ME2: variants seen among roughly 807,000 people sequenced by gnomAD.
The protein encoded by ME2 is malic enzyme 2, also known as NAD-dependent malic enzyme, mitochondrial.
Under a neutral mutation model 73.7 loss-of-function variants are expected in ME2, and 60 were observed. The ratio of observed to expected loss-of-function variants is 0.81; its 90% CI spans 0.66 to 1.01. The LOEUF (loss-of-function observed/expected upper bound fraction) is 1.01, where lower values mean the gene tolerates loss of function less well. Among genes scored for constraint, ME2 ranks in the 50% least tolerant of loss-of-function variants. The pLI is 0.00. For missense variants in ME2, 594 were observed against 705.5 expected (o/e 0.84, Z 1.79); for synonymous variants, 199 against 236.9 (o/e 0.84, Z 1.47).
At chr18:50,942,514 T>C (rs1485950374) in intron 15 of ME2, among the ~76,000 whole-genome samples, 4 of 152,190 alleles carry the variant, frequency 2.6e-5, no homozygotes, top group Non-Finnish European at 5.9e-5. Flanking sequence ...CATTTATAAA[T>C]TGGTGAAGTT....
At position 50,920,464 on chromosome 18, in the gene ME2, G is replaced by A. The variant is rs147495819; in HGVS notation, c.743G>A (p.Arg248Gln). The A allele has an allele frequency of 7.4e-5, 118 of 1,592,798 alleles. No homozygotes were observed. Among genetic ancestry groups the A allele is most frequent in the Non-Finnish European group, 8.4e-5 (99 of 1,174,074 alleles). The change falls in exon 8 of 16, where the codon CGG becomes CAG. Residue 248 changes from arginine to glutamine, a missense_variant. Coordinates refer to ENST00000321341, the MANE Select transcript of ME2 (RefSeq NM_002396.5). ...FMKAITDRYG[R>Q]NTLIQFEDFG... ...GGTTTTGCTGTTTTTAGATATGGCC[G>A]GAACACACTCATTCAGTTCGAAGAC...
At chr18:50,925,570 AC>A (rs1381217104) in intron 11 of ME2, among the ~76,000 whole-genome samples, 185 bp from the exon 12 acceptor site, 1 of 152,202 alleles carries the variant, frequency 6.6e-6, no homozygotes, top group South Asian at 2.1e-4. Flanking sequence ...TCAGCATCTT[AC>A]TGTTTTTTCT....
rs1270619426 is a variant in ME2, at chr18:50,953,636, A to G, written c.*6452A>G. ...ACTGTTAACACTTCTGTGCAAATAAATTTCAGTTGTGCTTATATATTATAA... is the reference window on the plus strand; with the variant it reads ...ACTGTTAACACTTCTGTGCAAATAAGTTTCAGTTGTGCTTATATATTATAA... On this transcript the variant is annotated 3_prime_UTR_variant, in exon 16 of 16. Transcript: ENST00000321341. 6.6e-6 allele frequency: 1 copy of G among 152,188 alleles called. No individual in the cohort carries two copies. The highest frequency in any genetic ancestry group is 1.5e-5 in the Non-Finnish European group (1 of 68,044). 9.4% of individuals were successfully genotyped at this position (152,188 alleles called of 1,614,324 possible).
intron 1 of ME2, among the ~76,000 whole-genome samples, chr18:50,880,561 G>T (rs1280508910): frequency 4.6e-5 from 7 of 152,218 alleles, no homozygotes; most frequent in Admixed American, 4.6e-4. Flanking sequence ...GCCGACGTGG[G>T]TGGATCACCT....
intron 15 of ME2, among the ~76,000 whole-genome samples, chr18:50,942,890 A>T (rs962310684): frequency 5.9e-5 from 9 of 152,010 alleles, no homozygotes; most frequent in African/African-American, 2.2e-4. Flanking sequence ...TAATATGCAT[A>T]GTCCGTTTTT....
intron 5 of ME2, 74 bp from the exon 6 acceptor site, chr18:50,917,273 C>A: frequency 8.4e-7 from 1 of 1,186,266 alleles, no homozygotes; most frequent in Non-Finnish European, 1.2e-6. Flanking sequence ...TGAAGTGAAT[C>A]AATCTTTTAA....
At chr18:50,894,666 C>T (rs929094565) in intron 1 of ME2, among the ~76,000 whole-genome samples, 1 of 151,394 alleles carries the variant, frequency 6.6e-6, no homozygotes, top group Non-Finnish European at 1.5e-5. Context: ...GTCAGGAGAT[C>T]GAGACCATCC....
chr18:50,930,851 G>A (rs932980244), intron 12 of ME2, among the ~76,000 whole-genome samples: 4 of 152,186 alleles, frequency 2.6e-5, no homozygotes, highest in African/African-American at 9.6e-5. Flanking sequence ...CACAAGTAAT[G>A]TTTAGAACAG....
intron 2 of ME2, among the ~76,000 whole-genome samples, chr18:50,898,572 C>T (rs1392846117): frequency 6.6e-6 from 1 of 152,154 alleles, no homozygotes; most frequent in Admixed American, 6.6e-5. Context: ...GCTGAGACTA[C>T]AGGCACGTGC....
chr18:50,908,199 A>G lies in ME2; in HGVS notation c.242+3A>G, dbSNP rs1483555107. 2 of 1,581,628 alleles carry G rather than the reference A, an allele frequency of 1.3e-6. No individual in the cohort carries two copies. The highest frequency in any genetic ancestry group is 1.7e-6 in the Non-Finnish European group (2 of 1,168,172). The stretch of plus-strand genomic sequence containing the variant: ...AAAATGACTAGCCCTTTGGAAAAGT[A>G]AGAGTTGCTTAGATGTTTCTTTTTT... On this transcript the variant is annotated splice_donor_region_variant and intron_variant, in intron 3 of 15. Transcript: ENST00000321341.
At chr18:50,897,241 C>CTG (rs1178714993) in intron 2 of ME2, among the ~76,000 whole-genome samples, 3 of 152,112 alleles carry the variant, frequency 2.0e-5, no homozygotes, top group Admixed American at 6.5e-5. Context: ...TCAAATACTT[C>CTG]TGTGTATCTT....
At chr18:50,926,032 TATTA>T (rs1917543873) in intron 12 of ME2, 134 bp downstream of exon 12, 1 of 603,742 alleles carries the variant, frequency 1.7e-6, no homozygotes, top group Non-Finnish European at 2.9e-6. Flanking sequence ...CAAAGTCTGA[TATTA>T]ATTATTGCTT....
At chr18:50,902,554 C>A (rs983170863) in intron 2 of ME2, among the ~76,000 whole-genome samples, 1 of 152,076 alleles carries the variant, frequency 6.6e-6, no homozygotes, top group Admixed American at 6.5e-5. Flanking sequence ...TGTGCCACCA[C>A]GCCTGGCTAA....
Position 50,913,934 on chromosome 18 carries a change from C to G in ME2, c.392+984C>G, listed in dbSNP as rs373575772. ...ATCTGAGTTTTCTTATTCCTCTAAT[C>G]CATTATTATTTTTCTCAATCCTTAT... On this transcript the variant is annotated intron_variant, in intron 4 of 15. Coordinates refer to ENST00000321341, the MANE Select transcript of ME2 (RefSeq NM_002396.5). Among the ~76,000 whole-genome samples the G allele has an allele frequency of 2.3e-3, 345 of 151,054 alleles. 1 individual carries two copies. Among genetic ancestry groups the G allele is most frequent in the African/African-American group, 7.6e-3 (313 of 41,126 alleles).
intron 1 of ME2, among the ~76,000 whole-genome samples, chr18:50,886,062 TTAGA>T (rs1413768830): frequency 1.3e-5 from 2 of 152,132 alleles, no homozygotes; most frequent in African/African-American, 2.4e-5. Flanking sequence ...ATATCCATTA[TTAGA>T]TTCAGATAGT....
intron 5 of ME2, chr18:50,917,025 T>C (rs1917301863): frequency 5.6e-6 from 1 of 178,442 alleles, no homozygotes; most frequent in South Asian, 1.6e-4. Flanking sequence ...TTTTCTCTTA[T>C]GGTAATCTCT....
chr18:50,910,082 G>A (rs1917112169), intron 3 of ME2, among the ~76,000 whole-genome samples: 1 of 152,054 alleles, frequency 6.6e-6, no homozygotes, highest in Non-Finnish European at 1.5e-5. Flanking sequence ...CCAGGGTTGA[G>A]TAGAGTTGGT....
intron 15 of ME2, 81 bp downstream of exon 15, chr18:50,940,467 C>T: frequency 1.0e-6 from 1 of 986,174 alleles, no homozygotes; most frequent in Non-Finnish European, 1.5e-6. Context: ...TAAGATAAAT[C>T]TGAAACATTT....
At position 50,925,908 on chromosome 18, in the gene ME2, AT is replaced by A; in HGVS notation, c.1314+11del. 1 of 1,574,508 alleles carries A rather than the reference AT, an allele frequency of 6.4e-7. No individual in the cohort carries two copies. Among genetic ancestry groups the A allele is most frequent in the Non-Finnish European group, 8.7e-7 (1 of 1,144,362 alleles). Reference sequence around the variant, plus strand: ...ATATACACTTACAGAGGTATTAATAATCACATGAATTGATATGTATATTATT... The same window carrying A: ...ATATACACTTACAGAGGTATTAATAACACATGAATTGATATGTATATTATT... On this transcript the variant is annotated intron_variant, in intron 12 of 15. Coordinates refer to ENST00000321341, the MANE Select transcript of ME2 (RefSeq NM_002396.5).
Sources: gnomAD v4.1 joint callset for allele counts (sites outside exome capture counted in the v4.1 genomes callset) on GRCh38, gnomAD v4.1.1 for gene constraint, MANE v1.5 for transcripts, NCBI Gene and HGNC (gene_info 2026-07-23, HGNC 2026-07-21) for gene names.